The following DDX52 variants were observed in gnomAD, a reference collection of about 807,000 sequenced individuals.
DDX52 encodes the protein DExD-box helicase 52.
A neutral mutation model predicts 76.1 loss-of-function variants in DDX52; 59 were observed. That is an observed-to-expected ratio of 0.78 (90% CI 0.63 to 0.96). DDX52 has a LOEUF of 0.96. Among genes scored for constraint, DDX52 ranks in the 40% least tolerant of loss-of-function variants. The pLI, the probability that DDX52 is intolerant of heterozygous loss-of-function variation, is 0.00. For synonymous variants in DDX52, 231 were observed against 244.1 expected (o/e 0.95, Z 0.50); for missense variants, 707 against 703.9 (o/e 1.00, Z -0.05).
At chr17:37,637,675 A>G (rs1461844841) in intron 2 of DDX52, among the ~76,000 whole-genome samples, 1 of 151,626 alleles carries the variant, frequency 6.6e-6, no homozygotes, top group African/African-American at 2.4e-5. Flanking sequence ...CCCAGGTTCA[A>G]GCGATTCTCC....
intron 2 of DDX52, among the ~76,000 whole-genome samples, chr17:37,634,240 T>G (rs904305891): frequency 1.3e-5 from 2 of 151,436 alleles, no homozygotes; most frequent in African/African-American, 4.8e-5. Context: ...TGAGCCACCG[T>G]GCCCAGCCAA....
At position 37,620,938 on chromosome 17, in the gene DDX52, T is replaced by C; in HGVS notation, c.1512A>G (p.Gly504=). The change falls in exon 12 of 15, where the codon GGA becomes GGG. Residue 504 remains glycine (G), a synonymous_variant. Transcript: ENST00000617633. ...TTGCTTTTCCCTTATTCCCTGCTCTTCCAGTTCGACCTAAGAAAAATTAGA... is the reference window on the plus strand; with the variant it reads ...TTGCTTTTCCCTTATTCCCTGCTCTCCCAGTTCGACCTAAGAAAAATTAGA... The part of the protein sequence containing the change: ...VEYIHRIGRT[G]RAGNKGKAIT... The C allele has an allele frequency of 5.6e-6, 9 of 1,593,866 alleles. No individual in the cohort carries two copies. Among genetic ancestry groups the C allele is most frequent in the Non-Finnish European group, 7.7e-6 (9 of 1,174,448 alleles).
chr17:37,637,375 C>T (rs1217430392), intron 2 of DDX52, among the ~76,000 whole-genome samples: 1 of 151,224 alleles, frequency 6.6e-6, no homozygotes, highest in East Asian at 2.0e-4. Context: ...AGGTGATCCA[C>T]CCACCTCAGC....
chr17:37,642,316 C>T lies in DDX52; in HGVS notation c.88-8G>A. ...ATATTTCCTTTTTCCTATCTAAAAC[C>T]CAAAAAATGTAAAATGAAACCTACT... On this transcript the variant is annotated splice_polypyrimidine_tract_variant and splice_region_variant and intron_variant, in intron 1 of 14. Coordinates refer to ENST00000617633, the MANE Select transcript of DDX52 (RefSeq NM_007010.5). 11 of 1,609,282 alleles carry T rather than the reference C, an allele frequency of 6.8e-6. No homozygotes were observed. The highest frequency in any genetic ancestry group is 9.3e-6 in the Non-Finnish European group (11 of 1,177,806).
At chr17:37,641,463 G>C (rs545027977) in intron 2 of DDX52, among the ~76,000 whole-genome samples, 2 of 152,280 alleles carry the variant, frequency 1.3e-5, no homozygotes, top group Non-Finnish European at 2.9e-5. Flanking sequence ...TTCAGGCAGG[G>C]CGCGGTGGTT....
At position 37,624,382 on chromosome 17, in the gene DDX52, T is replaced by C. The variant is rs780649343; in HGVS notation, c.1189A>G (p.Thr397Ala). The C allele has an allele frequency of 8.1e-6, 13 of 1,609,152 alleles. No homozygotes were observed. The Admixed American group carries it at 2.2e-4, about 27-fold the overall frequency. The change falls in exon 9 of 15, where the codon ACC becomes GCC. Residue 397 changes from threonine (T) to alanine (A), a missense_variant. Thr to Ala is a moderately conservative substitution (Grantham distance 58). Transcript: ENST00000617633. The part of the protein sequence containing the change: ...EQELLFVGSE[T>A]GKLLAVRELV... ...TCTCTCACGGCCAGAAGTTTTCCGG[T>C]CTCAGATCCAACAAAGAGAAGCTCT...
Position 37,642,259 on chromosome 17 carries a change from A to G in DDX52, c.137T>C (p.Leu46Pro). ...AGACTTCTTGTTTCCAAAAAAGTCCAGTCCCTGAAGCACCTCCGAAGAATC... is the reference window on the plus strand; with the variant it reads ...AGACTTCTTGTTTCCAAAAAAGTCCGGTCCCTGAAGCACCTCCGAAGAATC... Reference protein sequence around the residue: ...DFDSSEVLQGLDFFGNKKSVP... With the variant: ...DFDSSEVLQGPDFFGNKKSVP... Residue 46 changes from leucine to proline, a missense_variant, in exon 2 of 15, where the codon CTG becomes CCG. Physicochemically the swap from Leu to Pro is moderately conservative, Grantham distance 98. Transcript: ENST00000617633. The G allele has an allele frequency of 6.2e-7, 1 of 1,614,144 alleles. No homozygotes were observed. Among genetic ancestry groups the G allele is most frequent in the Non-Finnish European group, 8.5e-7 (1 of 1,180,026 alleles).
intron 6 of DDX52, among the ~76,000 whole-genome samples, chr17:37,627,082 A>G (rs941400127): frequency 1.7e-4 from 26 of 152,214 alleles, no homozygotes; most frequent in African/African-American, 6.0e-4. Context: ...GATGGAGTAC[A>G]ATGTGTGATC....
At position 37,610,832 on chromosome 17, in the gene DDX52, T is replaced by C. The variant is rs1238511097; in HGVS notation, c.*3464A>G. ...CTATTCAATTTTTATGTTTTTTCTT[T>C]TGCTGTAACTGCCTGTTCACTAATT... On this transcript the variant is annotated 3_prime_UTR_variant, in exon 15 of 15. Coordinates refer to ENST00000617633, the MANE Select transcript of DDX52 (RefSeq NM_007010.5). 3 of 152,248 alleles carry C rather than the reference T, an allele frequency of 2.0e-5. No individual in the cohort carries two copies. The highest frequency in any genetic ancestry group is 2.9e-5 in the Non-Finnish European group (2 of 68,046). 9.4% of individuals were successfully genotyped at this position (152,248 alleles called of 1,614,324 possible).
rs750193317 is a variant in DDX52, at chr17:37,628,552, A to G, written c.859+9T>C. The G allele has an allele frequency of 6.9e-6, 11 of 1,604,600 alleles. No individual in the cohort carries two copies. The highest frequency in any genetic ancestry group is 9.4e-6 in the Non-Finnish European group (11 of 1,174,012). ...TGCTCTATCTACATCCCATGTATGA[A>G]TTCCTTACCAAACTTTTTAGATGAT... On this transcript the variant is annotated intron_variant, in intron 6 of 14. Transcript: ENST00000617633.
chr17:37,640,670 C>T (rs1218794260), intron 2 of DDX52, among the ~76,000 whole-genome samples: 3 of 146,112 alleles, frequency 2.1e-5, no homozygotes, highest in South Asian at 4.4e-4. Flanking sequence ...TATAAACAGC[C>T]CTAGAGTACA....
intron 2 of DDX52, among the ~76,000 whole-genome samples, 199 bp from the exon 3 acceptor site, chr17:37,633,617 C>T (rs1249299514): frequency 6.7e-6 from 1 of 149,528 alleles, no homozygotes; most frequent in East Asian, 2.0e-4. Flanking sequence ...GATCATGCCA[C>T]TGCATTCCAG....
chr17:37,643,339 A>C lies in DDX52; in HGVS notation c.82T>G (p.Phe28Val), dbSNP rs752182310. Reference sequence around the variant, plus strand: ...CGGTCCCTTGGGCACAGTACCTGGAATCGAGCTGCGTCTGCCGAGAAGCGT... The same window carrying C: ...CGGTCCCTTGGGCACAGTACCTGGACTCGAGCTGCGTCTGCCGAGAAGCGT... ...TRRFSADAAR[F>V]QIGKRKYDFD... is the part of the protein sequence containing the mutation. The change falls in exon 1 of 15, where the codon TTC becomes GTC. Residue 28 changes from phenylalanine to valine, a missense_variant. By Grantham distance (50) the Phe-to-Val change is conservative (BLOSUM62 -1). Transcript: ENST00000617633. 13 of 1,613,740 alleles carry C rather than the reference A, an allele frequency of 8.1e-6. No individual in the cohort carries two copies. The highest frequency in any genetic ancestry group is 1.1e-5 in the Non-Finnish European group (13 of 1,179,740).
intron 13 of DDX52, 33 bp from the exon 14 acceptor site, chr17:37,618,417 T>TA (rs748881673): frequency 6.6e-7 from 1 of 1,506,716 alleles, no homozygotes; most frequent in Non-Finnish European, 9.0e-7. Context: ...GGAAAAGAAT[T>TA]AAGTGCAACT....
chr17:37,635,210 A>C (rs2030871201), intron 2 of DDX52, among the ~76,000 whole-genome samples: 1 of 152,202 alleles, frequency 6.6e-6, no homozygotes, highest in South Asian at 2.1e-4. Flanking sequence ...CTAATTTCTT[A>C]ATTTTTTCAA....
chr17:37,632,421 A>C (rs988064713), intron 3 of DDX52, 123 bp from the exon 4 acceptor site: 11 of 1,033,162 alleles, frequency 1.1e-5, no homozygotes, highest in Middle Eastern at 2.5e-4. Flanking sequence ...TTTTGGTTAA[A>C]TCCAAGAATC....
chr17:37,623,629 C>T (rs1049073681), intron 9 of DDX52, among the ~76,000 whole-genome samples: 1 of 152,164 alleles, frequency 6.6e-6, no homozygotes, highest in Non-Finnish European at 1.5e-5. Flanking sequence ...AATGCTCTTC[C>T]CCTCCACGTT....
Position 37,633,278 on chromosome 17 carries a change from T to A in DDX52, c.417+10A>T, listed in dbSNP as rs747895164. 4 of 1,595,742 alleles carry A rather than the reference T, an allele frequency of 2.5e-6. 1 individual carries two copies. In the South Asian group the frequency reaches 4.6e-5, roughly 18 times the overall value. ...TATATATACTTTTGGCCCCAAAATATTTTTCTAACCTTTTCTTTTCTGAGA... is the reference window on the plus strand; with the variant it reads ...TATATATACTTTTGGCCCCAAAATAATTTTCTAACCTTTTCTTTTCTGAGA... On this transcript the variant is annotated intron_variant, in intron 3 of 14. Transcript: ENST00000617633.
rs1313144057 is a variant in DDX52 at position 37,633,313 on chromosome 17, T to A, written c.392A>T (p.Lys131Met). ...VQRESKLTSGKLENLRKEKIN... is the reference protein window; with the variant it reads ...VQRESKLTSGMLENLRKEKIN... Reference sequence around the variant, plus strand: ...CTTTTCTTTTCTGAGATTCTCCAACTTTCCGGAAGTTAGTTTACTTTCTCT... The same window carrying A: ...CTTTTCTTTTCTGAGATTCTCCAACATTCCGGAAGTTAGTTTACTTTCTCT... Residue 131 changes from lysine to methionine, a missense_variant, in exon 3 of 15, where the codon AAG becomes ATG. Physicochemically the swap from Lys to Met is moderately conservative, Grantham distance 95. Transcript: ENST00000617633. 3 of 1,607,492 alleles carry A rather than the reference T, an allele frequency of 1.9e-6. No individual in the cohort carries two copies. Among genetic ancestry groups the A allele is most frequent in the Admixed American group, 1.7e-5 (1 of 58,900 alleles).
Sources: gnomAD v4.1 joint callset for allele counts (sites outside exome capture counted in the v4.1 genomes callset) on GRCh38, gnomAD v4.1.1 for gene constraint, MANE v1.5 for transcripts, NCBI Gene and HGNC (gene_info 2026-07-23, HGNC 2026-07-21) for gene names.